Variants in PLB1 observed in about 807,000 individuals in gnomAD.
PLB1 encodes the protein phospholipase B1.
In PLB1, 242 loss-of-function variants were observed where a neutral mutation model predicts 227.4. The observed-to-expected ratio is 1.06, with a 90% CI of 0.96 to 1.18. The LOEUF is 1.18. Among genes scored for constraint, PLB1 ranks in the 50% most tolerant of loss-of-function variants. PLB1 has a pLI of 0.00. For missense variants in PLB1, 1,858 were observed against 1,816.3 expected, an observed-to-expected ratio of 1.02 and a Z score of -0.42; for synonymous variants, 757 against 682.2, an observed-to-expected ratio of 1.11 and a Z score of -1.71.
chr2:28,626,293 G>A, intron 50 of PLB1, 135 bp from the exon 51 acceptor site: 1 of 668,780 alleles, frequency 1.5e-6, no homozygotes. Context: ...ACCGTGCCTG[G>A]CCCAATTTGC....
intron 1 of PLB1, among the ~76,000 whole-genome samples, chr2:28,505,396 T>C (rs1197420707): frequency 6.6e-6 from 1 of 152,208 alleles, no homozygotes; most frequent in Non-Finnish European, 1.5e-5. Context: ...AACTGAAATA[T>C]CATTAACTCA....
At chr2:28,529,226 T>A in intron 6 of PLB1, 91 bp from the exon 7 acceptor site, 2 of 849,802 alleles carry the variant, frequency 2.4e-6, no homozygotes, top group Non-Finnish European at 3.9e-6. Flanking sequence ...ATTATAGGCA[T>A]GAGCCACCAC....
intron 6 of PLB1, among the ~76,000 whole-genome samples, chr2:28,528,692 T>C (rs1030930245): frequency 6.6e-6 from 1 of 152,234 alleles, no homozygotes; most frequent in African/African-American, 2.4e-5. Context: ...GAGATCATAT[T>C]GCCCTGTGTT....
intron 15 of PLB1, among the ~76,000 whole-genome samples, 168 bp downstream of exon 15, chr2:28,549,099 T>C (rs376555116): frequency 6.6e-6 from 1 of 152,306 alleles, no homozygotes; most frequent in East Asian, 1.9e-4. Flanking sequence ...TGTTTACAGT[T>C]GTGGGCCATG....
chr2:28,550,364 C>A (rs1053914336), intron 16 of PLB1, among the ~76,000 whole-genome samples: 7 of 150,588 alleles, frequency 4.6e-5, no homozygotes, highest in African/African-American at 1.7e-4. Context: ...TTAGTGGAGA[C>A]GGGGTTTCAC....
chr2:28,619,736 C>T (rs1686749480), intron 46 of PLB1, among the ~76,000 whole-genome samples: 1 of 151,696 alleles, frequency 6.6e-6, no homozygotes. Context: ...TTAGCTTAGC[C>T]CTGAAGATTT....
At chr2:28,549,085 C>G (rs1673774545) in intron 15 of PLB1, among the ~76,000 whole-genome samples, 154 bp downstream of exon 15, 1 of 152,112 alleles carries the variant, frequency 6.6e-6, no homozygotes, top group African/African-American at 2.4e-5. Flanking sequence ...CATAGCAGCC[C>G]TAATGTTTAC....
At chr2:28,515,529 A>C (rs1383929662) in intron 1 of PLB1, among the ~76,000 whole-genome samples, 5 of 152,188 alleles carry the variant, frequency 3.3e-5, no homozygotes. Flanking sequence ...TCCAGTCATC[A>C]TTCCTTGTGC....
At chr2:28,614,499 G>A (rs1251301623) in intron 44 of PLB1, among the ~76,000 whole-genome samples, 2 of 147,924 alleles carry the variant, frequency 1.4e-5, no homozygotes, top group Non-Finnish European at 3.0e-5. Flanking sequence ...AAAAGGAAGT[G>A]GAGGCACGTT....
intron 14 of PLB1, among the ~76,000 whole-genome samples, chr2:28,545,474 G>C (rs1481832426): frequency 2.6e-5 from 4 of 152,180 alleles, no homozygotes; most frequent in African/African-American, 9.7e-5. Flanking sequence ...GGGTATAACA[G>C]GTTAGGGCGA....
rs1213787607 is a variant in PLB1 at position 28,629,290 on chromosome 2, A to T, written c.3818+105A>T. 57 of 981,760 alleles carry T rather than the reference A, an allele frequency of 5.8e-5. No individual in the cohort carries two copies. The South Asian group carries it at 8.7e-4, about 15-fold the overall frequency. The allele number at this position is 981,760 out of a possible 1,614,324, so 60.8% of individuals were successfully genotyped here. A position where few individuals can be genotyped will look rare whatever the true frequency, so the allele number is the denominator to read the frequency against. Reference sequence around the variant, plus strand: ...TGAGGCAGAGCCAGGCAGGCCTGCCAGAGGGTAGACATGGCTCAGGGGCTT... The same window carrying T: ...TGAGGCAGAGCCAGGCAGGCCTGCCTGAGGGTAGACATGGCTCAGGGGCTT... On this transcript the variant is annotated intron_variant, in intron 53 of 57. Coordinates refer to ENST00000327757, the MANE Select transcript of PLB1 (RefSeq NM_153021.5).
intron 20 of PLB1, among the ~76,000 whole-genome samples, chr2:28,569,082 A>G (rs568463578): frequency 2.0e-5 from 3 of 152,212 alleles, no homozygotes; most frequent in Non-Finnish European, 1.5e-5. Context: ...AGTCCAGTCC[A>G]TCTGTGCTGA....
intron 52 of PLB1, 134 bp from the exon 53 acceptor site, chr2:28,628,960 G>A (rs377417139): frequency 1.4e-6 from 1 of 701,850 alleles, no homozygotes. Context: ...GATACTACAA[G>A]TTGCATCCCC....
intron 6 of PLB1, among the ~76,000 whole-genome samples, chr2:28,528,416 T>C (rs1446053369): frequency 6.6e-6 from 1 of 152,218 alleles, no homozygotes; most frequent in Non-Finnish European, 1.5e-5. Flanking sequence ...AGCGGTCCTC[T>C]GGCTGTCAGC....
At chr2:28,574,969 G>A (rs2178157) in intron 21 of PLB1, among the ~76,000 whole-genome samples, 120,312 of 152,180 alleles carry the variant, frequency 0.79, 47,931 homozygotes, top group Admixed American at 0.83. Flanking sequence ...TTGTGCTGCA[G>A]TAAACATGCA....
In PLB1 at chr2:28,619,144, G is replaced by C. The variant is rs540682536; in HGVS notation, c.3315+745G>C. Among the ~76,000 whole-genome samples, 14 of 152,272 alleles carry C rather than the reference G, an allele frequency of 9.2e-5. No individual in the cohort carries two copies. The South Asian group carries it at 2.9e-3, about 32-fold the overall frequency. On this transcript the variant is annotated intron_variant, in intron 46 of 57. Coordinates refer to ENST00000327757, the MANE Select transcript of PLB1 (RefSeq NM_153021.5). ...GTTGCACAGATTATTTAATCACCCA[G>C]GTATTAAGCCTGGTACCTATGAGTT...
At chr2:28,539,020 C>T in intron 10 of PLB1, 79 bp from the exon 11 acceptor site, 2 of 1,154,664 alleles carry the variant, frequency 1.7e-6, no homozygotes, top group Non-Finnish European at 2.6e-6. Context: ...CCCAACGGGG[C>T]CCAAGCAGGA....
intron 9 of PLB1, among the ~76,000 whole-genome samples, chr2:28,536,093 A>G (rs1474872568): frequency 6.6e-6 from 1 of 152,172 alleles, no homozygotes; most frequent in Non-Finnish European, 1.5e-5. Flanking sequence ...CCTTAAGAGG[A>G]AATGTTGAGC....
chr2:28,549,259 A>G (rs1360952727), intron 15 of PLB1, among the ~76,000 whole-genome samples: 1 of 152,154 alleles, frequency 6.6e-6, no homozygotes, highest in Non-Finnish European at 1.5e-5. Context: ...TCAGAGTGGC[A>G]AAGAAGGGAG....
Sources: gnomAD v4.1 joint callset for allele counts (sites outside exome capture counted in the v4.1 genomes callset) on GRCh38, gnomAD v4.1.1 for gene constraint, MANE v1.5 for transcripts, NCBI Gene and HGNC (gene_info 2026-07-23, HGNC 2026-07-21) for gene names.